SLC25A46: variants seen among roughly 807,000 people sequenced by gnomAD.
The protein encoded by SLC25A46 is mitochondrial outer membrane protein SLC25A46.
Under a neutral mutation model 44.6 loss-of-function variants are expected in SLC25A46, and 39 were observed. The ratio of observed to expected loss-of-function variants is 0.87; its 90% confidence interval spans 0.68 to 1.14. SLC25A46 has a LOEUF of 1.14. Ranked by LOEUF, SLC25A46 falls within the 50% of genes most tolerant of loss-of-function variation. The pLI, the probability that SLC25A46 is intolerant of heterozygous loss-of-function variation, is 0.00. For missense variants in SLC25A46, 547 were observed against 522.7 expected, an observed-to-expected ratio of 1.05 and a Z score of -0.45; for synonymous variants, 202 against 185.8, an observed-to-expected ratio of 1.09 and a Z score of -0.71.
chr5:110,740,305 C>T (rs1799626456), intron 1 of SLC25A46, among the ~76,000 whole-genome samples: 1 of 152,036 alleles, frequency 6.6e-6, no homozygotes, highest in South Asian at 2.1e-4. Context: ...CTTATTTCCT[C>T]GACTTTGACT....
intron 7 of SLC25A46, chr5:110,757,165 T>G (rs1300360367): frequency 6.5e-6 from 1 of 154,878 alleles, no homozygotes; most frequent in Non-Finnish European, 1.4e-5. Flanking sequence ...GGAAGCAGGT[T>G]GTCCCCACAG....
At position 110,758,620 on chromosome 5, in the gene SLC25A46, A is replaced by G. The variant is rs867098829; in HGVS notation, c.678+1861A>G. On this transcript the variant is annotated intron_variant, in intron 7 of 7. Coordinates refer to ENST00000355943, the MANE Select transcript of SLC25A46 (RefSeq NM_138773.4). ...CCAACAGTGAAATCCCATCTCTACT[A>G]AAAATACAAAAATTAGCCGGGTGTG... Among the ~76,000 whole-genome samples the G allele has an allele frequency of 3.9e-5, 6 of 152,070 alleles. No homozygotes were observed. The South Asian group carries it at 1.2e-3, about 32-fold the overall frequency.
rs1454549623 is a variant in SLC25A46 at position 110,749,495 on chromosome 5, T to G, written c.563+1232T>G. ...ATCCTAGGCATACATGTGTGCCGTG[T>G]GTGTGTGGGAGCGGTGGGAAGGGGG... On this transcript the variant is annotated intron_variant, in intron 5 of 7. Coordinates refer to ENST00000355943, the MANE Select transcript of SLC25A46 (RefSeq NM_138773.4). Among the ~76,000 whole-genome samples, 5 of 133,428 alleles carry G rather than the reference T, an allele frequency of 3.7e-5. No individual in the cohort carries two copies. In the Admixed American group the frequency reaches 3.9e-4, roughly 10 times the overall value. 87.5% of individuals were successfully genotyped at this position (133,428 alleles called of 152,430 possible). A position where few individuals can be genotyped will look rare whatever the true frequency, so the allele number is the denominator to read the frequency against.
At chr5:110,738,749 G>A, upstream of SLC25A46, 1 of 273,146 alleles carries the variant, frequency 3.7e-6, no homozygotes, top group Non-Finnish European at 6.9e-6. Context: ...CGGGTTATCG[G>A]CTCCCTCCAA....
Position 110,748,170 on chromosome 5 carries a change from G to C in SLC25A46, c.470G>C (p.Arg157Thr), listed in dbSNP as rs374690017. ...MYSFNKTQGP[R>T]ALWKGMGSTF... ...GAATTTTGTTCAATTTAGGGACCTA[G>C]AGCCCTGTGGAAAGGAATGGGAAGT... The change falls in exon 5 of 8, where the codon AGA (arginine) becomes ACA (threonine). Residue 157 changes from arginine to threonine, a missense_variant. Physicochemically the swap from Arg to Thr is moderately conservative, Grantham distance 71. Coordinates refer to ENST00000355943, the MANE Select transcript of SLC25A46 (RefSeq NM_138773.4). 5 of 1,612,576 alleles carry C rather than the reference G, an allele frequency of 3.1e-6. No individual in the cohort carries two copies. Among genetic ancestry groups the C allele is most frequent in the Non-Finnish European group, 4.2e-6 (5 of 1,178,896 alleles).
rs142253652 is a variant in SLC25A46, at chr5:110,739,519, C to T, written c.283+117C>T. On this transcript the variant is annotated intron_variant, in intron 1 of 7. Coordinates refer to ENST00000355943, the MANE Select transcript of SLC25A46 (RefSeq NM_138773.4). ...CCTCCTATTCCTTCTCATCCTATCG[C>T]GCGCCACACCCTTTGCCCTCCTTTG... 4.3e-4 allele frequency: 587 copies of T among 1,366,998 alleles called. 4 individuals carry two copies. In the African/African-American group the frequency reaches 7.6e-3, roughly 18 times the overall value. 84.7% of individuals were successfully genotyped at this position (1,366,998 alleles called of 1,614,324 possible).
chr5:110,746,034 A>C, intron 3 of SLC25A46: 1 of 411,706 alleles, frequency 2.4e-6, no homozygotes, highest in Non-Finnish European at 4.3e-6. Context: ...TATATAGTCT[A>C]CAGTACTGTG....
chr5:110,738,469 T>A (rs1483858824), upstream of SLC25A46, among the ~76,000 whole-genome samples: 2 of 152,208 alleles, frequency 1.3e-5, no homozygotes, highest in Non-Finnish European at 2.9e-5. Flanking sequence ...ACCCCCGACG[T>A]GCACTTCAAC....
At chr5:110,753,827 G>A (rs1020529668) in intron 5 of SLC25A46, 6 of 152,080 alleles carry the variant, frequency 3.9e-5, no homozygotes, top group African/African-American at 1.4e-4. Context: ...AGTCCTAAGT[G>A]TTTACCACAG....
chr5:110,739,025 G>T lies in SLC25A46; in HGVS notation c.-95G>T, dbSNP rs1338032448. The T allele has an allele frequency of 3.3e-5, 49 of 1,487,280 alleles. No homozygotes were observed. The South Asian group carries it at 3.4e-4, about 10-fold the overall frequency. 92.1% of individuals were successfully genotyped at this position (1,487,280 alleles called of 1,614,324 possible). ...GGTTGTCAGAATTTACCCCTGACGC[G>T]GCGGCGGCCGACGGGAAGCTGTGTG... On this transcript the variant is annotated 5_prime_UTR_variant, in exon 1 of 8. Transcript: ENST00000355943.
chr5:110,739,513 C>G (rs1309688762), intron 1 of SLC25A46, 111 bp downstream of exon 1: 3 of 1,397,352 alleles, frequency 2.1e-6, no homozygotes, highest in Non-Finnish European at 2.8e-6. Context: ...CCTTCTCATC[C>G]TATCGCGCGC....
rs1799521952 is a variant in SLC25A46 at position 110,739,076 on chromosome 5, G to C, written c.-44G>C. 1 of 1,533,618 alleles carries C rather than the reference G, an allele frequency of 6.5e-7. No individual in the cohort carries two copies. The highest frequency in any genetic ancestry group is 2.5e-5 in the East Asian group (1 of 40,618). The stretch of plus-strand genomic sequence containing the variant: ...TGCTTAGGTCGTGGTGGCCCCGGTG[G>C]TGGTGGGCTCCGGGCGGGCTCGCGT... On this transcript the variant is annotated 5_prime_UTR_variant, in exon 1 of 8. Coordinates refer to ENST00000355943, the MANE Select transcript of SLC25A46 (RefSeq NM_138773.4).
At chr5:110,753,613 T>C (rs1004948810) in intron 5 of SLC25A46, 7 of 152,148 alleles carry the variant, frequency 4.6e-5, no homozygotes, top group African/African-American at 1.7e-4. Flanking sequence ...TTAAGTATGC[T>C]TATTTAAATT....
At chr5:110,747,844 A>T (rs1440106496) in intron 4 of SLC25A46, among the ~76,000 whole-genome samples, 1 of 152,114 alleles carries the variant, frequency 6.6e-6, no homozygotes, top group East Asian at 1.9e-4. Context: ...AGTGAGTATG[A>T]TTGGGTTAAG....
rs1800262646 is a variant in SLC25A46, at chr5:110,761,903, A to G, written c.*121A>G. 3 of 803,212 alleles carry G rather than the reference A, an allele frequency of 3.7e-6. No homozygotes were observed. The highest frequency in any genetic ancestry group is 2.7e-5 in the East Asian group (1 of 37,216). 49.8% of individuals were successfully genotyped at this position (803,212 alleles called of 1,614,324 possible). On this transcript the variant is annotated 3_prime_UTR_variant, in exon 8 of 8. Coordinates refer to ENST00000355943, the MANE Select transcript of SLC25A46 (RefSeq NM_138773.4). The surrounding 1 kb of genome is among the most constrained non-coding windows in gnomAD (Gnocchi z 5.3). ...TGGATTGGAAAGTAAAATTGGTACTAAAGCCCATACTGATTATCTTGACTT... is the reference window on the plus strand; with the variant it reads ...TGGATTGGAAAGTAAAATTGGTACTGAAGCCCATACTGATTATCTTGACTT...
intron 2 of SLC25A46, 27 bp downstream of exon 2, chr5:110,742,116 A>G: frequency 6.8e-7 from 1 of 1,475,914 alleles, no homozygotes; most frequent in Non-Finnish European, 9.1e-7. Context: ...AGACGTTTAC[A>G]GCTTTTATTT....
At chr5:110,757,442 T>C (rs1800146245) in intron 7 of SLC25A46, among the ~76,000 whole-genome samples, 1 of 152,160 alleles carries the variant, frequency 6.6e-6, no homozygotes, top group Admixed American at 6.6e-5. Context: ...CTGTCTTCTA[T>C]TTCCACATCA....
At chr5:110,759,594 C>T (rs1268768456) in intron 7 of SLC25A46, among the ~76,000 whole-genome samples, 1 of 56,466 alleles carries the variant, frequency 1.8e-5, no homozygotes, top group Non-Finnish European at 4.3e-5. Flanking sequence ...ATGGTTGGTG[C>T]TAAGTAAGCA....
At chr5:110,752,518 C>T (rs1326809263) in intron 5 of SLC25A46, among the ~76,000 whole-genome samples, 1 of 152,150 alleles carries the variant, frequency 6.6e-6, no homozygotes, top group Non-Finnish European at 1.5e-5. Context: ...TTAGTTTTGA[C>T]TCATCACACA....
Sources: gnomAD v4.1 joint callset for allele counts (sites outside exome capture counted in the v4.1 genomes callset) on GRCh38, gnomAD v4.1.1 for gene constraint, Gnocchi (gnomAD v3.1) non-coding constraint, MANE v1.5 for transcripts, NCBI Gene and HGNC (gene_info 2026-07-23, HGNC 2026-07-21) for gene names.